SCFD2: variants seen among roughly 807,000 people sequenced by gnomAD.
SCFD2 encodes the protein sec1 family domain containing 2, also known as sec1 family domain-containing protein 2.
SCFD2 carries 54 observed loss-of-function variants against 58.9 expected under a neutral mutation model. The observed-to-expected ratio is 0.92, with a 90% CI of 0.74 to 1.15. The LOEUF (loss-of-function observed/expected upper bound fraction) is 1.15. SCFD2 is among the 50% of genes most tolerant of loss of function. The probability of loss-of-function intolerance (pLI) is 0.00; values close to 1 mark genes in which losing one functional copy is unlikely to be tolerated. For missense variants in SCFD2, 805 were observed against 836.6 expected (o/e 0.96, Z 0.47); for synonymous variants, 321 against 335.9 (o/e 0.96, Z 0.49).
intron 3 of SCFD2, among the ~76,000 whole-genome samples, chr4:53,303,193 A>G (rs1052268596): frequency 2.6e-5 from 4 of 152,208 alleles, no homozygotes; most frequent in African/African-American, 7.2e-5. Flanking sequence ...CATTTTTGCA[A>G]CCTACTCATC....
intron 4 of SCFD2, among the ~76,000 whole-genome samples, chr4:53,272,741 T>C (rs1311573983): frequency 2.0e-5 from 3 of 152,086 alleles, no homozygotes; most frequent in Admixed American, 2.0e-4. Flanking sequence ...TTAGGAGATA[T>C]ACCTAATGTT....
chr4:53,037,643 A>G (rs1256732299), intron 5 of SCFD2, among the ~76,000 whole-genome samples: 1 of 152,200 alleles, frequency 6.6e-6, no homozygotes, highest in African/African-American at 2.4e-5. Context: ...AGAATATGTT[A>G]TGTAACCAAT....
At chr4:52,950,583 A>G (rs1720564687) in intron 5 of SCFD2, 1 of 152,314 alleles carries the variant, frequency 6.6e-6, no homozygotes, top group African/African-American at 2.4e-5. Flanking sequence ...AGACAAGGTC[A>G]TAGAGTTTTC....
At chr4:53,131,001 C>T (rs534071258) in intron 5 of SCFD2, among the ~76,000 whole-genome samples, 2 of 152,172 alleles carry the variant, frequency 1.3e-5, no homozygotes, top group East Asian at 3.9e-4. Flanking sequence ...AGGCAAACAC[C>T]AACCAGAAAA....
rs574753165 is a variant in SCFD2, at chr4:53,111,094, A to G, written c.1561+34239T>C. Among the ~76,000 whole-genome samples, 529 of 152,154 alleles carry G rather than the reference A, an allele frequency of 3.5e-3. 1 individual carries two copies. Among genetic ancestry groups the G allele is most frequent in the Non-Finnish European group, 5.9e-3 (400 of 67,968 alleles). On this transcript the variant is annotated intron_variant, in intron 5 of 8. Transcript: ENST00000401642. ...AGAAAACTAACACAGGAACAGAAAA[A>G]CAAACACTGCATGTTCTCAGTCGTA... is the stretch of plus-strand genomic sequence containing the variant.
chr4:52,905,924 T>G (rs1719337491), intron 7 of SCFD2, among the ~76,000 whole-genome samples: 1 of 152,264 alleles, frequency 6.6e-6, no homozygotes, highest in Non-Finnish European at 1.5e-5. Context: ...ATATTCCATA[T>G]TCTCCTCAGG....
At chr4:53,110,386 A>T (rs1344399002) in intron 5 of SCFD2, among the ~76,000 whole-genome samples, 3 of 152,246 alleles carry the variant, frequency 2.0e-5, no homozygotes, top group African/African-American at 7.2e-5. Context: ...GCCAAAATTG[A>T]CAAATGGGAT....
intron 7 of SCFD2, among the ~76,000 whole-genome samples, chr4:52,887,996 C>T (rs551406441): frequency 1.3e-5 from 2 of 148,932 alleles, no homozygotes; most frequent in African/African-American, 5.1e-5. Flanking sequence ...CTGCAAGCTC[C>T]GCTTCCCGGG....
At chr4:53,251,188 A>G (rs1031231458) in intron 4 of SCFD2, among the ~76,000 whole-genome samples, 3 of 152,230 alleles carry the variant, frequency 2.0e-5, no homozygotes, top group African/African-American at 7.2e-5. Flanking sequence ...ACCAGGAAGA[A>G]GTTGAATCTC....
At chr4:53,165,980 A>G (rs978646254) in intron 4 of SCFD2, among the ~76,000 whole-genome samples, 2 of 152,234 alleles carry the variant, frequency 1.3e-5, no homozygotes, top group African/African-American at 4.8e-5. Flanking sequence ...TTCTGTCTGT[A>G]TAAATTTGAC....
At chr4:53,131,856 T>C (rs1409327180) in intron 5 of SCFD2, among the ~76,000 whole-genome samples, 1 of 152,272 alleles carries the variant, frequency 6.6e-6, no homozygotes, top group African/African-American at 2.4e-5. Flanking sequence ...TTGAGAAATA[T>C]GTATTGTATC....
intron 2 of SCFD2, among the ~76,000 whole-genome samples, chr4:53,338,800 T>C (rs1577983002): frequency 6.6e-6 from 1 of 151,848 alleles, no homozygotes; most frequent in Non-Finnish European, 1.5e-5. Context: ...TGGGATGGTC[T>C]TGATCTCCTG....
In SCFD2 at chr4:53,365,091, G is replaced by T; in HGVS notation, c.838+13C>A. ...GGGAATGGTAATGAAGAACTCCAGA[G>T]CAATGCACTTACCTGTGAGATCCAG... On this transcript the variant is annotated intron_variant, in intron 1 of 8. Transcript: ENST00000401642. The surrounding 1 kb of genome is among the most constrained non-coding windows in gnomAD (Gnocchi z 4.3). 1 of 1,611,388 alleles carries T rather than the reference G, an allele frequency of 6.2e-7. No homozygotes were observed. Among genetic ancestry groups the T allele is most frequent in the South Asian group, 1.1e-5 (1 of 90,680 alleles).
chr4:53,097,521 G>A (rs1013442949), intron 5 of SCFD2, among the ~76,000 whole-genome samples: 14 of 152,092 alleles, frequency 9.2e-5, no homozygotes, highest in Non-Finnish European at 1.6e-4. Flanking sequence ...CTTTTTGACT[G>A]TTATTGGTGT....
chr4:53,253,126 A>G (rs1396754193), intron 4 of SCFD2, among the ~76,000 whole-genome samples: 1 of 152,242 alleles, frequency 6.6e-6, no homozygotes, highest in Non-Finnish European at 1.5e-5. Flanking sequence ...CAGCCAAAAG[A>G]CACATGAAAA....
chr4:53,355,789 A>T (rs1578000645), intron 1 of SCFD2, among the ~76,000 whole-genome samples: 1 of 152,168 alleles, frequency 6.6e-6, no homozygotes, highest in African/African-American at 2.4e-5. Flanking sequence ...CAAGCATGAC[A>T]CACATGCTCC....
At chr4:53,163,609 T>C (rs929656052) in intron 4 of SCFD2, among the ~76,000 whole-genome samples, 1 of 152,142 alleles carries the variant, frequency 6.6e-6, no homozygotes, top group Non-Finnish European at 1.5e-5. Flanking sequence ...GGCAGACACC[T>C]GTAATCGCAG....
chr4:53,127,713 T>C (rs1725668370), intron 5 of SCFD2, among the ~76,000 whole-genome samples: 1 of 152,012 alleles, frequency 6.6e-6, no homozygotes, highest in African/African-American at 2.4e-5. Flanking sequence ...CAGTATAATA[T>C]ATTTAAGGAA....
At chr4:53,148,924 C>G (rs1479759112) in intron 4 of SCFD2, among the ~76,000 whole-genome samples, 3 of 152,152 alleles carry the variant, frequency 2.0e-5, no homozygotes, top group Non-Finnish European at 4.4e-5. Flanking sequence ...GCAGAAGGAT[C>G]GCTTGAACCC....
Sources: gnomAD v4.1 joint callset for allele counts (sites outside exome capture counted in the v4.1 genomes callset) on GRCh38, gnomAD v4.1.1 for gene constraint, Gnocchi (gnomAD v3.1) non-coding constraint, MANE v1.5 for transcripts, NCBI Gene and HGNC (gene_info 2026-07-23, HGNC 2026-07-21) for gene names.